NPIPB2: variants seen among roughly 807,000 people sequenced by gnomAD.
The protein encoded by NPIPB2 is nuclear pore complex-interacting protein family member B2.
Under a neutral mutation model 30.8 loss-of-function variants are expected in NPIPB2, and 27 were observed. The observed-to-expected ratio is 0.88, with a 90% CI of 0.65 to 1.21. NPIPB2 has a LOEUF of 1.21. Among genes scored for constraint, NPIPB2 ranks in the 50% most tolerant of loss-of-function variants. The pLI, the probability that NPIPB2 is intolerant of heterozygous loss-of-function variation, is 0.00. For synonymous variants in NPIPB2, 147 were observed against 162.0 expected (o/e 0.91, Z 0.70); for missense variants, 440 against 446.2 (o/e 0.99, Z 0.13).
chr16:11,947,045 T>TATATAC (rs1303235065), intron 1 of NPIPB2, among the ~76,000 whole-genome samples: 1 of 138,248 alleles, frequency 7.2e-6, no homozygotes, highest in Non-Finnish European at 1.6e-5. Flanking sequence ...TTGAATTATA[T>TATATAC]ATATATATAT....
upstream of NPIPB2, among the ~76,000 whole-genome samples, chr16:11,943,531 G>A (rs1446898975): frequency 8.6e-5 from 13 of 151,058 alleles, no homozygotes; most frequent in Non-Finnish European, 1.3e-4. Context: ...GTGAAACCCC[G>A]TCTCTACTAA....
At chr16:11,964,664 C>T (rs1310098890) in intron 1 of NPIPB2, among the ~76,000 whole-genome samples, 1 of 152,212 alleles carries the variant, frequency 6.6e-6, no homozygotes, top group Non-Finnish European at 1.5e-5. Context: ...ATCCACCTGC[C>T]TCGGCCTCCC....
chr16:11,950,987 T>A (rs961683414), intron 1 of NPIPB2, among the ~76,000 whole-genome samples: 5 of 152,110 alleles, frequency 3.3e-5, no homozygotes, highest in African/African-American at 1.2e-4. Flanking sequence ...TTTTTGCATG[T>A]AAAATATGTT....
chr16:11,946,022 CAA>C (rs200825715), upstream of NPIPB2, among the ~76,000 whole-genome samples: 10 of 70,106 alleles, frequency 1.4e-4, no homozygotes, highest in Admixed American at 2.7e-4. Flanking sequence ...GTGGCTTCTA[CAA>C]AAAAAAAAAA....
intron 1 of NPIPB2, among the ~76,000 whole-genome samples, chr16:11,952,587 CAG>C (rs2055077606): frequency 1.5e-5 from 2 of 133,398 alleles, no homozygotes; most frequent in Non-Finnish European, 1.6e-5. Flanking sequence ...TTTTTTGAGA[CAG>C]AGTCTTGCTC....
intron 1 of NPIPB2, chr16:11,956,090 C>T (rs1217331973): frequency 6.6e-6 from 1 of 152,208 alleles, no homozygotes; most frequent in African/African-American, 2.4e-5. Flanking sequence ...TTCCTCTGCG[C>T]CTCTTCCATG....
intron 1 of NPIPB2, among the ~76,000 whole-genome samples, chr16:11,953,536 G>C (rs1447188339): frequency 3.3e-5 from 5 of 152,022 alleles, no homozygotes; most frequent in Admixed American, 3.3e-4. Context: ...ATTTTTAATA[G>C]AGACGGAGTT....
chr16:11,948,402 CTG>C (rs2055032462), intron 1 of NPIPB2, among the ~76,000 whole-genome samples: 2 of 152,054 alleles, frequency 1.3e-5, no homozygotes, highest in Non-Finnish European at 2.9e-5. Context: ...GGCAAAAAGA[CTG>C]AACATAAATA....
intron 1 of NPIPB2, among the ~76,000 whole-genome samples, chr16:11,951,802 C>G (rs1596500974): frequency 6.6e-6 from 1 of 151,598 alleles, no homozygotes; most frequent in African/African-American, 2.4e-5. Flanking sequence ...CCGAGGCGGG[C>G]GGATGATGAG....
chr16:11,951,303 T>TA (rs770369563), intron 1 of NPIPB2, among the ~76,000 whole-genome samples: 730 of 139,452 alleles, frequency 5.2e-3, no homozygotes, highest in South Asian at 0.011. Context: ...AAAAAATATA[T>TA]AAAAAAAAAA....
chr16:11,970,682 C>G (rs1415716724), intron 1 of NPIPB2, among the ~76,000 whole-genome samples: 1 of 151,684 alleles, frequency 6.6e-6, no homozygotes, highest in Non-Finnish European at 1.5e-5. Flanking sequence ...ATTACAGGCA[C>G]CTGCCACCAC....
intron 1 of NPIPB2, among the ~76,000 whole-genome samples, chr16:11,939,340 C>A (rs1402742213): frequency 1.3e-5 from 2 of 151,832 alleles, no homozygotes; most frequent in Non-Finnish European, 1.5e-5. Flanking sequence ...GGTGGGTGGA[C>A]CACGAGATCA....
At chr16:11,937,837 A>C (rs1291006977) in intron 1 of NPIPB2, among the ~76,000 whole-genome samples, 169 bp from the exon 2 acceptor site, 1 of 152,142 alleles carries the variant, frequency 6.6e-6, no homozygotes, top group Non-Finnish European at 1.5e-5. Flanking sequence ...TAGAAGTCAC[A>C]TGTTTTTCAG....
intron 1 of NPIPB2, chr16:11,968,360 C>T (rs950166791): frequency 1.9e-5 from 3 of 154,410 alleles, no homozygotes; most frequent in African/African-American, 7.2e-5. Flanking sequence ...ACCTGTAATC[C>T]CAGCTACTCA....
rs187622472 is a variant in NPIPB2, at chr16:11,965,076, T to C, written c.-584+11492A>G. On this transcript the variant is annotated intron_variant, in intron 1 of 5. Transcript: ENST00000538896. ...TTTCTGTTTCAGATGTGATATGCCC[T>C]GATATTTACACCCTGTCTCTTACCC... The C allele has an allele frequency of 4.2e-5, 22 of 529,164 alleles. No individual in the cohort carries two copies. In the East Asian group the frequency reaches 6.3e-4, roughly 15 times the overall value. The allele number at this position is 529,164 out of a possible 1,614,324, so 32.8% of individuals were successfully genotyped here. A position where few individuals can be genotyped will look rare whatever the true frequency, so the allele number is the denominator to read the frequency against.
intron 1 of NPIPB2, among the ~76,000 whole-genome samples, chr16:11,954,383 C>A (rs563902587): frequency 4.1e-4 from 61 of 150,552 alleles, no homozygotes; most frequent in Non-Finnish European, 4.9e-4. Context: ...GAGGCTGAGG[C>A]AGAAGAATCA....
chr16:11,968,052 ACT>A (rs1304771490), intron 1 of NPIPB2: 2 of 520,754 alleles, frequency 3.8e-6, no homozygotes, highest in Non-Finnish European at 6.3e-6. Context: ...TCATGATTAA[ACT>A]CTTTTTTTTC....
chr16:11,949,605 A>G (rs893578902), intron 1 of NPIPB2, among the ~76,000 whole-genome samples: 44 of 152,348 alleles, frequency 2.9e-4, no homozygotes, highest in Admixed American at 2.2e-3. Context: ...AATGCAGCTT[A>G]TCTTGCTTTG....
chr16:11,941,329 G>C lies in NPIPB2; in HGVS notation c.63+654C>G, dbSNP rs550711595. ...AGGGGGAGGGAAGGGGACAGGGACC[G>C]GGCCGGATCTGAGTTGGGGAGGGGG... On this transcript the variant is annotated intron_variant, in intron 1 of 7. Coordinates refer to ENST00000399147, the Ensembl canonical transcript of NPIPB2. 2.3e-3 allele frequency: 1,297 copies of C among 570,782 alleles called. 5 individuals carry two copies. Among genetic ancestry groups the C allele is most frequent in the Non-Finnish European group, 2.8e-3 (1,117 of 394,616 alleles). 35.4% of individuals were successfully genotyped at this position (570,782 alleles called of 1,614,324 possible). A position where few individuals can be genotyped will look rare whatever the true frequency, so the allele number is the denominator to read the frequency against.
Sources: gnomAD v4.1 joint callset for allele counts (sites outside exome capture counted in the v4.1 genomes callset) on GRCh38, gnomAD v4.1.1 for gene constraint, MANE v1.5 for transcripts, NCBI Gene and HGNC (gene_info 2026-07-23, HGNC 2026-07-21) for gene names.